Variants in COL12A1 observed in about 807,000 individuals in gnomAD.
COL12A1 encodes collagen alpha-1(XII) chain.
COL12A1 carries 114 observed loss-of-function variants against 349.7 expected under a neutral mutation model. That is an observed-to-expected ratio of 0.33 (90% CI 0.28 to 0.38). The LOEUF (loss-of-function observed/expected upper bound fraction) is 0.38, where lower values mean the gene tolerates loss of function less well. Among genes scored for constraint, COL12A1 ranks in the 10% least tolerant of loss-of-function variants. COL12A1 has a pLI of 1.00. For synonymous variants in COL12A1, 1,369 were observed against 1,329.0 expected (o/e 1.03, Z -0.66); for missense variants, 3,284 against 3,756.9 (o/e 0.87, Z 3.29).
intron 26 of COL12A1, among the ~76,000 whole-genome samples, chr6:75,142,596 T>C (rs1420192512): frequency 6.6e-6 from 1 of 152,192 alleles, no homozygotes; most frequent in Admixed American, 6.5e-5. Context: ...TAAAGTAGCT[T>C]TTGTATAATC....
In COL12A1 at chr6:75,191,744, C is replaced by A; in HGVS notation, c.351G>T (p.Ser117=). 1.9e-6 allele frequency: 3 copies of A among 1,593,450 alleles called. No individual in the cohort carries two copies. In the South Asian group the frequency reaches 3.4e-5, roughly 18 times the overall value. ...IGQLTIQTGS[S]TKPVEKKPGK... ...CAGGTTTCTTCTCCACTGGCTTTGT[C>A]GAACTACCTGTTTGAACTAAGTTAA... The change falls in exon 5 of 66, where the codon TCG becomes TCT. Residue 117 remains serine (S), a synonymous_variant. Transcript: ENST00000322507.
intron 34 of COL12A1, among the ~76,000 whole-genome samples, chr6:75,132,870 T>A (rs1409331806): frequency 6.6e-6 from 1 of 152,206 alleles, no homozygotes; most frequent in Non-Finnish European, 1.5e-5. Flanking sequence ...ATACAGATTT[T>A]AAGATCAAAA....
At chr6:75,138,730 TG>T (rs1412574185) in intron 28 of COL12A1, 91 bp downstream of exon 28, 3 of 1,574,068 alleles carry the variant, frequency 1.9e-6, no homozygotes, top group Non-Finnish European at 2.6e-6. Context: ...AAATGCTTAT[TG>T]ACAACAAGAG....
At chr6:75,154,814 G>C (rs1273695500) in intron 16 of COL12A1, among the ~76,000 whole-genome samples, 1 of 152,142 alleles carries the variant, frequency 6.6e-6, no homozygotes, top group African/African-American at 2.4e-5. Flanking sequence ...CAGATGCAGA[G>C]TCTCTACCCT....
Position 75,102,649 on chromosome 6 carries a change from TG to T in COL12A1, c.8362del (p.Gln2788ArgfsTer23). Reference sequence around the variant, plus strand: ...GGGTCCCTGAGGGCCTGGAGGACCCTGGGGGCCTGGAGGACCTATGTCTCCA... The same window carrying T: ...GGGTCCCTGAGGGCCTGGAGGACCCTGGGGCCTGGAGGACCTATGTCTCCA... The part of the protein sequence containing the change: ...PRGDIGPPGP[Q>X]GPPGPQGPNG... On this transcript the variant is annotated frameshift_variant, in exon 56 of 66. Transcript: ENST00000322507. LOFTEE classifies it high-confidence loss of function. 2.5e-6 allele frequency: 4 copies of T among 1,573,530 alleles called. No individual in the cohort carries two copies. Among genetic ancestry groups the T allele is most frequent in the East Asian group, 2.4e-5 (1 of 41,996 alleles).
At chr6:75,140,940 G>A (rs570160225) in intron 27 of COL12A1, among the ~76,000 whole-genome samples, 1 of 152,240 alleles carries the variant, frequency 6.6e-6, no homozygotes, top group East Asian at 1.9e-4. Context: ...GAATTGAGAT[G>A]TGCTCTAAGT....
chr6:75,104,777 C>G (rs534020086), intron 54 of COL12A1, among the ~76,000 whole-genome samples: 11 of 152,180 alleles, frequency 7.2e-5, no homozygotes, highest in Non-Finnish European at 1.5e-4. Flanking sequence ...ATGTTATTCT[C>G]ATGATATGTC....
At chr6:75,183,022 A>G (rs982454876) in intron 10 of COL12A1, 28 bp downstream of exon 10, 1 of 1,549,652 alleles carries the variant, frequency 6.5e-7, no homozygotes, top group Non-Finnish European at 8.7e-7. Context: ...TCATGAAGAA[A>G]TAACTTTTAC....
chr6:75,197,911 G>A (rs1770316503), intron 2 of COL12A1, among the ~76,000 whole-genome samples: 1 of 152,102 alleles, frequency 6.6e-6, no homozygotes, highest in South Asian at 2.1e-4. Context: ...AGGACATTTT[G>A]GGAATGATAA....
Position 75,085,445 on chromosome 6 carries a change from C to A in COL12A1, c.*1102G>T. ...ACACAGCAAAAGCTAAATCATCACCCGCGGTGATGGCACTCCAGTCTTAAT... is the reference window on the plus strand; with the variant it reads ...ACACAGCAAAAGCTAAATCATCACCAGCGGTGATGGCACTCCAGTCTTAAT... On this transcript the variant is annotated 3_prime_UTR_variant, in exon 66 of 66. Transcript: ENST00000322507. 1 of 430,602 alleles carries A rather than the reference C, an allele frequency of 2.3e-6. No individual in the cohort carries two copies. Among genetic ancestry groups the A allele is most frequent in the Non-Finnish European group, 5.0e-6 (1 of 200,352 alleles). The allele number at this position is 430,602 out of a possible 1,614,324, so 26.7% of individuals were successfully genotyped here.
Position 75,130,990 on chromosome 6 carries a change from G to A in COL12A1, c.5938-9C>T, listed in dbSNP as rs1166562974. 3 of 1,614,050 alleles carry A rather than the reference G, an allele frequency of 1.9e-6. No homozygotes were observed. The highest frequency in any genetic ancestry group is 2.5e-6 in the Non-Finnish European group (3 of 1,179,976). On this transcript the variant is annotated splice_polypyrimidine_tract_variant and intron_variant, in intron 35 of 65. Coordinates refer to ENST00000322507, the MANE Select transcript of COL12A1 (RefSeq NM_004370.6). The stretch of plus-strand genomic sequence containing the variant: ...TTTCCTGGCACTACTATCTGCAGGA[G>A]AGGAAATGCCAAATTCTGCCTGACA...
chr6:75,145,416 C>G lies in COL12A1; in HGVS notation c.4600G>C (p.Asp1534His). The change falls in exon 25 of 66, where the codon GAC becomes CAC. Residue 1534 changes from aspartate (D) to histidine (H), a missense_variant. Physicochemically the swap from Asp to His is moderately conservative, Grantham distance 81. Around this residue, in one of 2 missense-constraint regions of COL12A1, gnomAD observed 2,601 missense variants for 2,824.8 expected, o/e 0.92. Coordinates refer to ENST00000322507, the MANE Select transcript of COL12A1 (RefSeq NM_004370.6). ...GPTVNDMQLT[D>H]LVPNTEYAVT... is the part of the protein sequence containing the mutation. ...GCATACTCCGTGTTGGGAACAAGGTCAGTCAGCTGCATGTCATTCACTGTT... is the reference window on the plus strand; with the variant it reads ...GCATACTCCGTGTTGGGAACAAGGTGAGTCAGCTGCATGTCATTCACTGTT... The G allele has an allele frequency of 1.2e-6, 2 of 1,613,982 alleles. No individual in the cohort carries two copies. Among genetic ancestry groups the G allele is most frequent in the Non-Finnish European group, 1.7e-6 (2 of 1,179,916 alleles).
At chr6:75,112,282 T>C (rs1582067390) in intron 51 of COL12A1, among the ~76,000 whole-genome samples, 1 of 151,854 alleles carries the variant, frequency 6.6e-6, no homozygotes, top group Non-Finnish European at 1.5e-5. Context: ...AATACCTGGG[T>C]GACAAAATAA....
At chr6:75,203,454 C>T (rs1770629520) in intron 1 of COL12A1, among the ~76,000 whole-genome samples, 1 of 152,140 alleles carries the variant, frequency 6.6e-6, no homozygotes, top group Admixed American at 6.5e-5. Context: ...GGAAAAACAA[C>T]TCCAAAATAC....
rs1057524309 is a variant in COL12A1, at chr6:75,154,431, G to A, written c.3550C>T (p.Pro1184Ser). 1 of 1,611,070 alleles carries A rather than the reference G, an allele frequency of 6.2e-7. No individual in the cohort carries two copies. Among genetic ancestry groups the A allele is most frequent in the Non-Finnish European group, 8.5e-7 (1 of 1,178,302 alleles). The change falls in exon 17 of 66, where the codon CCA becomes TCA. Residue 1184 changes from proline to serine, a missense_variant. Pro to Ser is a moderately conservative substitution (Grantham distance 74, BLOSUM62 -1). Transcript: ENST00000322507. ...AATTTCTTACCAGAAGATAAAATTG[G>A]CATAACAGTTGTGTCGGAAAGGGTT... ...MTTLSDTTVM[P>S]ILSSGMECLT...
At chr6:75,095,830 CT>C (rs1190942849) in intron 59 of COL12A1, among the ~76,000 whole-genome samples, 4 of 150,828 alleles carry the variant, frequency 2.7e-5, no homozygotes, top group East Asian at 1.9e-4. Context: ...AAGCAATTCC[CT>C]TTTTTTTTAA....
intron 10 of COL12A1, among the ~76,000 whole-genome samples, chr6:75,182,018 C>T (rs1343537880): frequency 6.7e-6 from 1 of 148,816 alleles, no homozygotes; most frequent in Non-Finnish European, 1.5e-5. Context: ...ATTGCTTGAA[C>T]TGGGGAGGCA....
In COL12A1 at chr6:75,105,194, C is replaced by T; in HGVS notation, c.8265+12G>A. 1 of 1,607,540 alleles carries T rather than the reference C, an allele frequency of 6.2e-7. No individual in the cohort carries two copies. The highest frequency in any genetic ancestry group is 8.5e-7 in the Non-Finnish European group (1 of 1,175,808). On this transcript the variant is annotated intron_variant, in intron 54 of 65. Coordinates refer to ENST00000322507, the MANE Select transcript of COL12A1 (RefSeq NM_004370.6). ...AAAGGAAAAACCAGAGGATCTATTT[C>T]AATTTCCTTACTGCAGGGCCTGGAG...
chr6:75,124,219 T>C, intron 41 of COL12A1, 36 bp downstream of exon 41: 1 of 1,601,448 alleles, frequency 6.2e-7, no homozygotes, highest in Non-Finnish European at 8.5e-7. Flanking sequence ...TTCCACTACA[T>C]GCTCCAGATC....
Sources: allele counts gnomAD v4.1 joint callset (sites outside exome capture counted in the v4.1 genomes callset), GRCh38; gene constraint gnomAD v4.1.1; regional missense constraint gnomAD v4.1.1; transcripts MANE v1.5; gene names NCBI Gene and HGNC (gene_info 2026-07-23, HGNC 2026-07-21).